NKAIN3: variants seen among roughly 807,000 people sequenced by gnomAD.
The protein encoded by NKAIN3 is sodium/potassium-transporting ATPase subunit beta-1-interacting protein 3.
NKAIN3 carries 25 observed loss-of-function variants against 30.2 expected under a neutral mutation model. The observed-to-expected ratio is 0.83, with a 90% CI of 0.60 to 1.16. The LOEUF is 1.16. Among genes scored for constraint, NKAIN3 ranks in the 50% most tolerant of loss-of-function variants. The pLI, the probability that NKAIN3 is intolerant of heterozygous loss-of-function variation, is 0.00. For synonymous variants in NKAIN3, 91 were observed against 89.6 expected (o/e 1.02, Z -0.09); for missense variants, 225 against 254.1 (o/e 0.89, Z 0.78).
At chr8:62,840,414 T>C (rs1230632556) in intron 4 of NKAIN3, among the ~76,000 whole-genome samples, 2 of 100,358 alleles carry the variant, frequency 2.0e-5, no homozygotes, top group African/African-American at 6.8e-5. Context: ...TATTTAAACC[T>C]GGAGGGTCAC....
chr8:62,615,826 C>T (rs1811435429), intron 3 of NKAIN3, among the ~76,000 whole-genome samples: 1 of 152,150 alleles, frequency 6.6e-6, no homozygotes, highest in Admixed American at 6.5e-5. Context: ...TAGCACCACA[C>T]TGCTGCTGCT....
intron 3 of NKAIN3, among the ~76,000 whole-genome samples, chr8:62,652,694 G>A (rs561341587): frequency 6.6e-6 from 1 of 152,322 alleles, no homozygotes; most frequent in South Asian, 2.1e-4. Flanking sequence ...GGATGCTCAA[G>A]CTTTACGACT....
chr8:62,555,909 T>A (rs1809371717), intron 1 of NKAIN3, among the ~76,000 whole-genome samples: 1 of 152,056 alleles, frequency 6.6e-6, no homozygotes, highest in Non-Finnish European at 1.5e-5. Flanking sequence ...TCAAGCACAT[T>A]TTTAATATAC....
At position 62,973,534 on chromosome 8, in the gene NKAIN3, G is replaced by A. The variant is rs1193426367; in HGVS notation, c.*8127G>A. Reference sequence around the variant, plus strand: ...GAGTTGTTTTTTTTCTTGTAAATTTGTTTAAGTTCCTTGTAGATTCTGGAT... The same window carrying A: ...GAGTTGTTTTTTTTCTTGTAAATTTATTTAAGTTCCTTGTAGATTCTGGAT... On this transcript the variant is annotated 3_prime_UTR_variant, in exon 7 of 7. Coordinates refer to ENST00000623646, the MANE Select transcript of NKAIN3 (RefSeq NM_001304533.3). 6.7e-6 allele frequency among the ~76,000 whole-genome samples: 1 copy of A among 149,368 alleles called. No homozygotes were observed. The highest frequency in any genetic ancestry group is 2.1e-4 in the East Asian group (1 of 4,752).
chr8:62,728,665 C>CA (rs1429711633), intron 3 of NKAIN3, among the ~76,000 whole-genome samples: 1 of 147,034 alleles, frequency 6.8e-6, no homozygotes, highest in Non-Finnish European at 1.5e-5. Flanking sequence ...AACTTCGTCT[C>CA]AAAAAACAAA....
chr8:62,319,236 G>T (rs1814781227), intron 1 of NKAIN3, among the ~76,000 whole-genome samples: 2 of 151,718 alleles, frequency 1.3e-5, no homozygotes, highest in South Asian at 2.1e-4. Context: ...TTCTTTATTA[G>T]TCTTGCTAGT....
chr8:62,769,607 GC>G (rs961058923), intron 4 of NKAIN3, among the ~76,000 whole-genome samples: 1 of 152,202 alleles, frequency 6.6e-6, no homozygotes, highest in African/African-American at 2.4e-5. Context: ...AGTCTGAAAA[GC>G]CAGGGCTCTC....
intron 4 of NKAIN3, among the ~76,000 whole-genome samples, chr8:62,763,256 A>C (rs984714769): frequency 7.0e-6 from 1 of 142,316 alleles, no homozygotes; most frequent in South Asian, 2.2e-4. Flanking sequence ...AAAAAAAAAA[A>C]AAAAACTTAT....
intron 1 of NKAIN3, among the ~76,000 whole-genome samples, chr8:62,455,083 T>A (rs1278836411): frequency 6.6e-6 from 1 of 152,220 alleles, no homozygotes; most frequent in East Asian, 1.9e-4. Flanking sequence ...ATGAGTCCTG[T>A]GTCTTGGTAG....
intron 6 of NKAIN3, among the ~76,000 whole-genome samples, chr8:62,960,145 G>A (rs775894255): frequency 2.6e-5 from 4 of 152,174 alleles, no homozygotes; most frequent in South Asian, 4.1e-4. Flanking sequence ...ACTTATCACC[G>A]TAGTATCCAG....
At chr8:62,813,358 ATTTTT>A (rs35620594) in intron 4 of NKAIN3, among the ~76,000 whole-genome samples, 2 of 151,512 alleles carry the variant, frequency 1.3e-5, no homozygotes, top group South Asian at 4.2e-4. Context: ...AAATTTTAGG[ATTTTT>A]TTTTATCTCT....
intron 4 of NKAIN3, chr8:62,863,883 C>G: frequency 6.9e-7 from 1 of 1,444,562 alleles, no homozygotes; most frequent in East Asian, 2.3e-5. Context: ...GCAGGGTCCT[C>G]TTGCTCATCA....
intron 3 of NKAIN3, among the ~76,000 whole-genome samples, chr8:62,640,368 A>C (rs1586038951): frequency 6.6e-6 from 1 of 152,046 alleles, no homozygotes; most frequent in Middle Eastern, 3.4e-3. Flanking sequence ...CCTCTCTCTC[A>C]CCTGCCGCCA....
intron 1 of NKAIN3, among the ~76,000 whole-genome samples, chr8:62,388,877 G>C (rs4738969): frequency 0.15 from 21,051 of 141,152 alleles, 1,736 homozygotes; most frequent in East Asian, 0.44. Context: ...AGTTGACCAA[G>C]AACTCTGTGG....
At chr8:62,302,892 A>G (rs970152772) in intron 1 of NKAIN3, among the ~76,000 whole-genome samples, 4 of 150,768 alleles carry the variant, frequency 2.7e-5, no homozygotes, top group African/African-American at 1.0e-4. Flanking sequence ...TACAGTGGTA[A>G]CATTATATAG....
intron 1 of NKAIN3, among the ~76,000 whole-genome samples, chr8:62,555,997 G>A (rs574363622): frequency 6.6e-6 from 1 of 151,930 alleles, no homozygotes; most frequent in Admixed American, 6.6e-5. Flanking sequence ...GAAAAAAAAT[G>A]GAAATATTTT....
intron 1 of NKAIN3, among the ~76,000 whole-genome samples, chr8:62,359,009 G>A (rs900140773): frequency 3.3e-5 from 5 of 152,088 alleles, no homozygotes; most frequent in African/African-American, 1.2e-4. Flanking sequence ...GTGAAACCCT[G>A]TCTCTACTAA....
intron 1 of NKAIN3, among the ~76,000 whole-genome samples, chr8:62,294,313 T>C (rs1813757017): frequency 6.6e-6 from 1 of 152,150 alleles, no homozygotes; most frequent in Non-Finnish European, 1.5e-5. Context: ...CGCTGGGAGC[T>C]GCAGACTGGA....
intron 3 of NKAIN3, among the ~76,000 whole-genome samples, chr8:62,721,127 A>G (rs1815076005): frequency 6.6e-6 from 1 of 152,194 alleles, no homozygotes; most frequent in African/African-American, 2.4e-5. Context: ...CCATCTGTCC[A>G]GGAGTAAAAT....
Sources: gnomAD v4.1 joint callset for allele counts (sites outside exome capture counted in the v4.1 genomes callset) on GRCh38, gnomAD v4.1.1 for gene constraint, MANE v1.5 for transcripts, NCBI Gene and HGNC (gene_info 2026-07-23, HGNC 2026-07-21) for gene names.